The following EFHB variants were observed in gnomAD, a reference collection of about 807,000 sequenced individuals.
EFHB encodes the protein EF-hand domain family member B, also known as EF-hand domain-containing family member B.
A neutral mutation model predicts 87.2 loss-of-function variants in EFHB; 91 were observed. The ratio of observed to expected loss-of-function variants is 1.04; its 90% CI spans 0.88 to 1.24. EFHB has a LOEUF of 1.24. Among genes scored for constraint, EFHB ranks in the 50% most tolerant of loss-of-function variants. EFHB has a pLI of 0.00. For synonymous variants in EFHB, 325 were observed against 333.6 expected (o/e 0.97, Z 0.28); for missense variants, 1,084 against 998.8 (o/e 1.09, Z -1.15).
At chr3:19,885,286 GCA>G (rs1226928616) in intron 10 of EFHB, among the ~76,000 whole-genome samples, 2 of 151,756 alleles carry the variant, frequency 1.3e-5, no homozygotes, top group Non-Finnish European at 2.9e-5. Flanking sequence ...CTAGCACTAT[GCA>G]CTAGGGAGAA....
intron 2 of EFHB, 132 bp downstream of exon 2, chr3:19,920,373 A>G: frequency 1.3e-6 from 1 of 762,392 alleles, no homozygotes; most frequent in Non-Finnish European, 2.1e-6. Context: ...GAAGGCCTCA[A>G]AATACAGCAA....
chr3:19,910,382 G>A (rs1234266697), intron 5 of EFHB, among the ~76,000 whole-genome samples: 1 of 152,108 alleles, frequency 6.6e-6, no homozygotes, highest in Non-Finnish European at 1.5e-5. Flanking sequence ...GAGGGGGAGG[G>A]AAGAGTGGGA....
intron 9 of EFHB, among the ~76,000 whole-genome samples, chr3:19,895,736 G>A (rs1460300986): frequency 6.6e-6 from 1 of 152,104 alleles, no homozygotes; most frequent in African/African-American, 2.4e-5. Context: ...CCAGTCATCA[G>A]ATACTTAGAT....
At chr3:19,917,924 G>A (rs1183515132) in intron 4 of EFHB, among the ~76,000 whole-genome samples, 1 of 152,184 alleles carries the variant, frequency 6.6e-6, no homozygotes, top group African/African-American at 2.4e-5. Flanking sequence ...GGATGTCCAA[G>A]GCAAAGGGAT....
chr3:19,923,126 G>C (rs1052262278), intron 1 of EFHB, among the ~76,000 whole-genome samples: 1 of 152,028 alleles, frequency 6.6e-6, no homozygotes, highest in African/African-American at 2.4e-5. Context: ...AATTAGCCAG[G>C]CATGGTGGCG....
At chr3:19,911,031 T>C (rs2101390) in intron 5 of EFHB, among the ~76,000 whole-genome samples, 27,768 of 152,240 alleles carry the variant, frequency 0.18, 3,282 homozygotes, top group Non-Finnish European at 0.27. Context: ...AACTGTTCAA[T>C]GCCAGACACC....
chr3:19,884,268 GGT>G (rs1446050225), intron 11 of EFHB, 133 bp downstream of exon 11: 2 of 784,712 alleles, frequency 2.5e-6, no homozygotes, highest in Non-Finnish European at 4.0e-6. Flanking sequence ...CTCCCCAGGT[GGT>G]TAGAATATGA....
In EFHB at chr3:19,933,331, T is replaced by C; in HGVS notation, c.688A>G (p.Arg230Gly). The change falls in exon 1 of 13, where the codon AGA (arginine) becomes GGA (glycine). Residue 230 changes from arginine to glycine, a missense_variant. Transcript: ENST00000295824. Reference sequence around the variant, plus strand: ...GATTCAATGTTTCCAGCCTCCTTTCTCTGTTCATGTTGTTGGGCAAACTGG... The same window carrying C: ...GATTCAATGTTTCCAGCCTCCTTTCCCTGTTCATGTTGTTGGGCAAACTGG... ...QCQFAQQHEQ[R>G]KEAGNIESGV... is the part of the protein sequence containing the mutation. The C allele has an allele frequency of 1.2e-6, 2 of 1,613,992 alleles. No homozygotes were observed. The highest frequency in any genetic ancestry group is 1.7e-6 in the Non-Finnish European group (2 of 1,179,886).
At chr3:19,945,016 T>C (rs1385801634) in intron 1 of EFHB, among the ~76,000 whole-genome samples, 1 of 152,202 alleles carries the variant, frequency 6.6e-6, no homozygotes. Context: ...AGGCAAAGTA[T>C]TGTGAAATTA....
In EFHB at chr3:19,898,813, C is replaced by G. The variant is rs758595933; in HGVS notation, c.1535G>C (p.Cys512Ser). The G allele has an allele frequency of 7.4e-6, 12 of 1,613,606 alleles. No individual in the cohort carries two copies. The highest frequency in any genetic ancestry group is 9.3e-6 in the Non-Finnish European group (11 of 1,179,802). The change falls in exon 8 of 13, where the codon TGC becomes TCC. Residue 512 changes from cysteine to serine, a missense_variant. By Grantham distance (112) the Cys-to-Ser change is moderately radical. Coordinates refer to ENST00000295824, the MANE Select transcript of EFHB (RefSeq NM_144715.4). ...IAETMNVPPD[C>S]TFGACLRPEE... ...AGGACGGAGACAAGCTCCAAATGTG[C>G]AGTCTGGGGGAACATTCATTGTTTC...
intron 4 of EFHB, among the ~76,000 whole-genome samples, 191 bp downstream of exon 4, chr3:19,918,041 C>A (rs1309851499): frequency 6.6e-6 from 1 of 152,166 alleles, no homozygotes; most frequent in Non-Finnish European, 1.5e-5. Context: ...CTGAATTTTT[C>A]CTGCCTCTGC....
At chr3:19,930,945 C>T (rs998143496) in intron 1 of EFHB, among the ~76,000 whole-genome samples, 12 of 151,822 alleles carry the variant, frequency 7.9e-5, no homozygotes, top group African/African-American at 2.9e-4. Flanking sequence ...CCAGCCTGGC[C>T]AACATGGCGA....
chr3:19,898,445 T>C (rs6550217), intron 8 of EFHB, among the ~76,000 whole-genome samples: 2,863 of 152,306 alleles, frequency 0.019, 72 homozygotes, highest in African/African-American at 0.064. Context: ...ACGTTAGGAC[T>C]AGGACAATAT....
chr3:19,893,353 C>A (rs1326368217), intron 9 of EFHB, among the ~76,000 whole-genome samples: 1 of 152,126 alleles, frequency 6.6e-6, no homozygotes, highest in African/African-American at 2.4e-5. Flanking sequence ...TATGCCTGAC[C>A]TTTCCAGACA....
Position 19,918,214 on chromosome 3 carries a change from TA to T in EFHB, c.1177+17del. ...ATTTTACCAGCCCCTTCCCACCCCT[TA>T]TTTTTTTTTTTACTACCTTTGATGA... On this transcript the variant is annotated intron_variant, in intron 4 of 12. Transcript: ENST00000295824. 2 of 1,547,630 alleles carry T rather than the reference TA, an allele frequency of 1.3e-6. No individual in the cohort carries two copies. Among genetic ancestry groups the T allele is most frequent in the East Asian group, 2.3e-5 (1 of 43,564 alleles).
chr3:19,882,931 T>C (rs1276007783), intron 11 of EFHB, among the ~76,000 whole-genome samples, 200 bp from the exon 12 acceptor site: 4 of 152,206 alleles, frequency 2.6e-5, no homozygotes, highest in African/African-American at 9.6e-5. Flanking sequence ...ATTGAAATGA[T>C]AATATTTTGA....
At chr3:19,891,610 C>T (rs1694307935) in intron 9 of EFHB, among the ~76,000 whole-genome samples, 1 of 152,134 alleles carries the variant, frequency 6.6e-6, no homozygotes, top group Admixed American at 6.5e-5. Context: ...CTGTGGCCTA[C>T]CTATTTGGTT....
chr3:19,921,528 T>C lies in EFHB; in HGVS notation c.790-961A>G, dbSNP rs1695435690. Among the ~76,000 whole-genome samples, 3 of 152,040 alleles carry C rather than the reference T, an allele frequency of 2.0e-5. No homozygotes were observed. In the South Asian group the frequency reaches 6.2e-4, roughly 32 times the overall value. Reference sequence around the variant, plus strand: ...CATGAAGAAGGAAAAATCAAGGAGATGACAAATAAATTGAGAAAGTGTGTG... The same window carrying C: ...CATGAAGAAGGAAAAATCAAGGAGACGACAAATAAATTGAGAAAGTGTGTG... On this transcript the variant is annotated intron_variant, in intron 1 of 12. Coordinates refer to ENST00000295824, the MANE Select transcript of EFHB (RefSeq NM_144715.4).
At chr3:19,943,695 T>C (rs1389128590) in intron 1 of EFHB, among the ~76,000 whole-genome samples, 1 of 152,170 alleles carries the variant, frequency 6.6e-6, no homozygotes, top group Non-Finnish European at 1.5e-5. Context: ...ACTACACCAT[T>C]TTACATGAGA....
Sources: allele counts gnomAD v4.1 joint callset (sites outside exome capture counted in the v4.1 genomes callset), GRCh38; gene constraint gnomAD v4.1.1; transcripts MANE v1.5; gene names NCBI Gene and HGNC (gene_info 2026-07-23, HGNC 2026-07-21).